DDC: variants seen among roughly 807,000 people sequenced by gnomAD.
The protein encoded by DDC is dopa decarboxylase.
Under a neutral mutation model 60.0 loss-of-function variants are expected in DDC, and 43 were observed. The observed-to-expected ratio is 0.72, with a 90% CI of 0.56 to 0.92. The LOEUF is 0.92. Ranked by LOEUF, DDC falls within the 40% of genes least tolerant of loss-of-function variation. The pLI, the probability that DDC is intolerant of heterozygous loss-of-function variation, is 0.00. For synonymous variants in DDC, 232 were observed against 234.6 expected, an observed-to-expected ratio of 0.99 and a Z score of 0.10; for missense variants, 573 against 620.2, an observed-to-expected ratio of 0.92 and a Z score of 0.81.
At chr7:50,490,690 A>ACAG (rs539328587) in intron 9 of DDC, among the ~76,000 whole-genome samples, 27 of 152,098 alleles carry the variant, frequency 1.8e-4, no homozygotes, top group African/African-American at 6.5e-4. Context: ...CTCTGTCTCA[A>ACAG]CAACAACAAC....
At chr7:50,500,416 C>T (rs918652681) in intron 7 of DDC, among the ~76,000 whole-genome samples, 3 of 152,176 alleles carry the variant, frequency 2.0e-5, no homozygotes, top group East Asian at 1.9e-4. Context: ...GGGACACAAA[C>T]GTTCAGACTA....
chr7:50,499,791 A>T (rs2043208237), intron 7 of DDC, among the ~76,000 whole-genome samples: 1 of 152,152 alleles, frequency 6.6e-6, no homozygotes, highest in Non-Finnish European at 1.5e-5. Flanking sequence ...AACCATGCAT[A>T]GCAGCCTTGT....
chr7:50,550,056 G>T (rs550966288), intron 1 of DDC, among the ~76,000 whole-genome samples: 2 of 152,192 alleles, frequency 1.3e-5, no homozygotes, highest in African/African-American at 4.8e-5. Context: ...AAGTTCTACT[G>T]GGGGTAAAAT....
At chr7:50,459,125 T>G (rs2042189932) in intron 14 of DDC, among the ~76,000 whole-genome samples, 1 of 152,182 alleles carries the variant, frequency 6.6e-6, no homozygotes, top group South Asian at 2.1e-4. Context: ...CCTGACTGGT[T>G]TTCGTATTTT....
intron 6 of DDC, among the ~76,000 whole-genome samples, chr7:50,525,281 C>A (rs2044006995): frequency 6.6e-6 from 1 of 152,072 alleles, no homozygotes; most frequent in Non-Finnish European, 1.5e-5. Flanking sequence ...ATGGTGGCTG[C>A]ATGAATCAAC....
Position 50,498,782 on chromosome 7 carries a change from C to T in DDC, c.876+366G>A, listed in dbSNP as rs559970546. Among the ~76,000 whole-genome samples, 5 of 152,348 alleles carry T rather than the reference C, an allele frequency of 3.3e-5. No individual in the cohort carries two copies. In the South Asian group the frequency reaches 1.0e-3, roughly 32 times the overall value. On this transcript the variant is annotated intron_variant, in intron 8 of 14. Coordinates refer to ENST00000444124, the MANE Select transcript of DDC (RefSeq NM_001082971.2). ...AGATGTATGGGCAGAACATGACTGT[C>T]ATATTGAACCAGATTGTATGGAATT... is the stretch of plus-strand genomic sequence containing the variant.
chr7:50,560,704 G>T (rs2045324119), intron 1 of DDC, among the ~76,000 whole-genome samples: 1 of 152,158 alleles, frequency 6.6e-6, no homozygotes, highest in African/African-American at 2.4e-5. Context: ...TGCTGTCATG[G>T]CTCTAGGAAT....
chr7:50,526,713 T>C (rs991341569), intron 6 of DDC, among the ~76,000 whole-genome samples: 3 of 152,218 alleles, frequency 2.0e-5, no homozygotes, highest in Admixed American at 2.0e-4. Context: ...CAATCAATGC[T>C]GCTTTCACAG....
intron 1 of DDC, among the ~76,000 whole-genome samples, chr7:50,549,723 G>T (rs2044924936): frequency 2.0e-5 from 3 of 152,168 alleles, no homozygotes; most frequent in Admixed American, 6.5e-5. Flanking sequence ...TTAACAGGAG[G>T]TGGAAGAAGT....
chr7:50,563,004 T>C (rs1382098991), intron 1 of DDC, among the ~76,000 whole-genome samples: 1 of 151,930 alleles, frequency 6.6e-6, no homozygotes. Flanking sequence ...CCACCTCTAC[T>C]AAAAATACAA....
At chr7:50,482,979 A>T (rs969612184) in intron 9 of DDC, among the ~76,000 whole-genome samples, 28 of 151,450 alleles carry the variant, frequency 1.8e-4, no homozygotes, top group African/African-American at 6.8e-4. Flanking sequence ...TTCCATACTG[A>T]TCCTTACATG....
At chr7:50,513,014 G>A (rs2043622398) in intron 6 of DDC, among the ~76,000 whole-genome samples, 1 of 152,230 alleles carries the variant, frequency 6.6e-6, no homozygotes, top group Non-Finnish European at 1.5e-5. Flanking sequence ...ACTGGACAGA[G>A]CAGCGTGTGG....
At chr7:50,489,270 G>A (rs1300424551) in intron 9 of DDC, among the ~76,000 whole-genome samples, 1 of 152,118 alleles carries the variant, frequency 6.6e-6, no homozygotes, top group Non-Finnish European at 1.5e-5. Context: ...GCCTCCCAAA[G>A]TGCTGGGATT....
intron 7 of DDC, among the ~76,000 whole-genome samples, chr7:50,503,002 C>A (rs1412995341): frequency 6.6e-6 from 1 of 152,230 alleles, no homozygotes; most frequent in Non-Finnish European, 1.5e-5. Context: ...CCTTCCCCAG[C>A]TGCTGACCCC....
chr7:50,529,251 T>A lies in DDC; in HGVS notation c.527A>T (p.Gln176Leu). 1 of 1,613,974 alleles carries A rather than the reference T, an allele frequency of 6.2e-7. No individual in the cohort carries two copies. Among genetic ancestry groups the A allele is most frequent in the Non-Finnish European group, 8.5e-7 (1 of 1,180,038 alleles). ...CACCAGCTTCTCCATGATAGCGGCCTGTGTGAGCTCTGGGGACGCTGCCTG... is the reference window on the plus strand; with the variant it reads ...CACCAGCTTCTCCATGATAGCGGCCAGTGTGAGCTCTGGGGACGCTGCCTG... ...RLQAASPELT[Q>L]AAIMEKLVAY... Residue 176 changes from glutamine (Q) to leucine (L), a missense_variant, in exon 5 of 15, where the codon CAG becomes CTG. Transcript: ENST00000444124.
chr7:50,560,084 C>T (rs1307708170), intron 1 of DDC, among the ~76,000 whole-genome samples: 1 of 152,180 alleles, frequency 6.6e-6, no homozygotes, highest in African/African-American at 2.4e-5. Context: ...ATCCAGGATG[C>T]CTGTGTTCTA....
At chr7:50,498,864 G>A (rs1184743180) in intron 8 of DDC, among the ~76,000 whole-genome samples, 1 of 152,094 alleles carries the variant, frequency 6.6e-6, no homozygotes, top group Non-Finnish European at 1.5e-5. Context: ...ATTTTATTTT[G>A]TTCCTACTTT....
At chr7:50,535,335 C>T (rs2044367155) in intron 4 of DDC, among the ~76,000 whole-genome samples, 1 of 152,120 alleles carries the variant, frequency 6.6e-6, no homozygotes, top group Admixed American at 6.5e-5. Context: ...TTAGTAGAGA[C>T]AGGGTTTCAC....
At chr7:50,534,328 A>G (rs201346531) in intron 4 of DDC, among the ~76,000 whole-genome samples, 1 of 152,140 alleles carries the variant, frequency 6.6e-6, no homozygotes, top group East Asian at 1.9e-4. Context: ...GATCTCCTAC[A>G]GCTCACACCT....
Sources: gnomAD v4.1 joint callset for allele counts (sites outside exome capture counted in the v4.1 genomes callset) on GRCh38, gnomAD v4.1.1 for gene constraint, MANE v1.5 for transcripts, NCBI Gene and HGNC (gene_info 2026-07-23, HGNC 2026-07-21) for gene names.